PIWIL3: variants seen among roughly 807,000 people sequenced by gnomAD.
The protein encoded by PIWIL3 is piwi-like protein 3.
Under a neutral mutation model 109.7 loss-of-function variants are expected in PIWIL3, and 101 were observed. The observed-to-expected ratio is 0.92, with a 90% confidence interval of 0.78 to 1.09. The LOEUF (loss-of-function observed/expected upper bound fraction) is 1.09. PIWIL3 is among the 50% of genes least tolerant of loss of function. PIWIL3 has a pLI of 0.00. For missense variants in PIWIL3, 1,031 were observed against 1,072.6 expected (o/e 0.96, Z 0.54); for synonymous variants, 373 against 376.4 (o/e 0.99, Z 0.10).
chr22:24,756,930 T>C (rs1925070586), intron 4 of PIWIL3, among the ~76,000 whole-genome samples: 1 of 151,684 alleles, frequency 6.6e-6, no homozygotes, highest in South Asian at 2.1e-4. Flanking sequence ...ATACAAAAAG[T>C]TAGCTGGGCA....
intron 12 of PIWIL3, among the ~76,000 whole-genome samples, chr22:24,743,078 T>C (rs918693818): frequency 6.6e-6 from 1 of 152,048 alleles, no homozygotes; most frequent in Non-Finnish European, 1.5e-5. Context: ...GCAAAGGACA[T>C]GAATAGACAA....
chr22:24,724,916 C>T lies in PIWIL3; in HGVS notation c.2202G>A (p.Ser734=), dbSNP rs189209868. 182 of 1,613,986 alleles carry T rather than the reference C, an allele frequency of 1.1e-4. No homozygotes were observed. In the East Asian group the frequency reaches 2.6e-3, roughly 23 times the overall value. The stretch of plus-strand genomic sequence containing the variant: ...TAGGAGAGATGGTTTTTAAGTAGGT[C>T]GACATCTTTTTCGCTTCATGGTCAA... ...ALLDHEAKKM[S]TYLKTISPNN... Residue 734 remains serine, a synonymous_variant, in exon 18 of 21, where the codon TCG becomes TCA. Coordinates refer to ENST00000616349, the MANE Select transcript of PIWIL3 (RefSeq NM_001255975.1).
At chr22:24,751,251 A>C (rs745373163) in intron 9 of PIWIL3, 136 bp downstream of exon 9, 34 of 843,262 alleles carry the variant, frequency 4.0e-5, no homozygotes, top group Non-Finnish European at 5.4e-5. Context: ...TGGATAATAG[A>C]TAAGTCAAGC....
At chr22:24,772,460 C>T (rs1042635472) in intron 1 of PIWIL3, among the ~76,000 whole-genome samples, 1 of 152,138 alleles carries the variant, frequency 6.6e-6, no homozygotes, top group Admixed American at 6.5e-5. Context: ...CTCTCTGAGA[C>T]CCTGTTTCCT....
chr22:24,719,307 G>T lies in PIWIL3; in HGVS notation c.*165C>A. 2.3e-6 allele frequency: 1 copy of T among 442,086 alleles called. No individual in the cohort carries two copies. The highest frequency in any genetic ancestry group is 4.0e-6 in the Non-Finnish European group (1 of 249,276). 27.4% of individuals were successfully genotyped at this position (442,086 alleles called of 1,614,324 possible). ...TCTCTGGAAAAATCAGTCTGTGGTA[G>T]TATTGAGAGTAGAACATATCACTCT... On this transcript the variant is annotated 3_prime_UTR_variant, in exon 21 of 21. Transcript: ENST00000616349.
At chr22:24,757,551 C>A (rs932256882) in intron 4 of PIWIL3, among the ~76,000 whole-genome samples, 1 of 139,510 alleles carries the variant, frequency 7.2e-6, no homozygotes, top group African/African-American at 2.9e-5. Context: ...TTTGGAAGGC[C>A]CAGGTGTAAG....
At chr22:24,743,016 T>C (rs1186850895) in intron 12 of PIWIL3, among the ~76,000 whole-genome samples, 1 of 152,104 alleles carries the variant, frequency 6.6e-6, no homozygotes, top group Non-Finnish European at 1.5e-5. Context: ...ATATCCAGAA[T>C]CTACAAGGAA....
intron 6 of PIWIL3, among the ~76,000 whole-genome samples, chr22:24,755,306 AGAG>A (rs1924956450): frequency 6.6e-6 from 1 of 152,160 alleles, no homozygotes; most frequent in Admixed American, 6.5e-5. Flanking sequence ...TATTTTTAGT[AGAG>A]GAGGGGTTTC....
At position 24,726,548 on chromosome 22, in the gene PIWIL3, G is replaced by A. The variant is rs559321010; in HGVS notation, c.2010-1033C>T. ...GATCTGCCCGCCTCAGCCTCCCAAA[G>A]TGCTGGGATTACAGGCGTGAGCCGC... On this transcript the variant is annotated intron_variant, in intron 16 of 20. Coordinates refer to ENST00000616349, the MANE Select transcript of PIWIL3 (RefSeq NM_001255975.1). Among the ~76,000 whole-genome samples, 118 of 152,304 alleles carry A rather than the reference G, an allele frequency of 7.7e-4. 1 individual carries two copies. The highest frequency in any genetic ancestry group is 2.7e-3 in the African/African-American group (114 of 41,560).
chr22:24,760,803 A>AAAAAAAAAAAAAAAAAAAAAAAAT (rs1925389502), intron 2 of PIWIL3, among the ~76,000 whole-genome samples: 1 of 146,870 alleles, frequency 6.8e-6, no homozygotes, highest in Non-Finnish European at 1.5e-5. Flanking sequence ...AAAAAAAAAA[A>AAAAAAAAAAAAAAAAAAAAAAAAT]GCTGTGACAG....
At chr22:24,725,918 C>T (rs1443596543) in intron 16 of PIWIL3, among the ~76,000 whole-genome samples, 1 of 152,140 alleles carries the variant, frequency 6.6e-6, no homozygotes, top group Non-Finnish European at 1.5e-5. Flanking sequence ...GGAATGGTGG[C>T]AGCTGTTGAC....
intron 12 of PIWIL3, among the ~76,000 whole-genome samples, chr22:24,743,687 G>A (rs1297840684): frequency 6.6e-6 from 1 of 152,126 alleles, no homozygotes; most frequent in Non-Finnish European, 1.5e-5. Context: ...GGGAGGGGGT[G>A]ATGGATCAAA....
In PIWIL3 at chr22:24,732,678, C is replaced by T. The variant is rs1234397452; in HGVS notation, c.1707+1406G>A. 6.6e-5 allele frequency among the ~76,000 whole-genome samples: 10 copies of T among 152,082 alleles called. No individual in the cohort carries two copies. In the South Asian group the frequency reaches 1.7e-3, roughly 25 times the overall value. ...CTCTACTAAAAATACAAAAAATTAG[C>T]CGGGTGTGGCGGCAGGCGCCTGTAG... On this transcript the variant is annotated intron_variant, in intron 14 of 20. Coordinates refer to ENST00000616349, the MANE Select transcript of PIWIL3 (RefSeq NM_001255975.1).
intron 1 of PIWIL3, among the ~76,000 whole-genome samples, chr22:24,770,735 T>G (rs1047211461): frequency 3.3e-5 from 5 of 150,750 alleles, no homozygotes; most frequent in Admixed American, 2.6e-4. Context: ...CTAGGGAGGC[T>G]GAGGCAGGAG....
chr22:24,741,473 C>T (rs1038652216), intron 12 of PIWIL3, among the ~76,000 whole-genome samples: 12 of 152,108 alleles, frequency 7.9e-5, no homozygotes, highest in African/African-American at 2.4e-4. Flanking sequence ...CACTGCACTC[C>T]AGCCTAGCTG....
At chr22:24,743,154 G>A (rs553712563) in intron 12 of PIWIL3, among the ~76,000 whole-genome samples, 6 of 151,976 alleles carry the variant, frequency 3.9e-5, no homozygotes, top group East Asian at 1.9e-4. Context: ...ATGCAATACC[G>A]CCTTACTCCT....
chr22:24,721,447 C>T (rs1480381919), intron 19 of PIWIL3, among the ~76,000 whole-genome samples: 1 of 152,114 alleles, frequency 6.6e-6, no homozygotes, highest in African/African-American at 2.4e-5. Flanking sequence ...TTGAATATTG[C>T]TCCACCCCAC....
At chr22:24,721,622 GTTTTC>G (rs1374720918) in intron 19 of PIWIL3, among the ~76,000 whole-genome samples, 2 of 151,990 alleles carry the variant, frequency 1.3e-5, no homozygotes, top group African/African-American at 2.4e-5. Context: ...TTAACAATTT[GTTTTC>G]TTTTATGTCT....
rs1922506738 is a variant in PIWIL3, at chr22:24,719,062, C to A, written c.*410G>T. On this transcript the variant is annotated 3_prime_UTR_variant, in exon 21 of 21. Coordinates refer to ENST00000616349, the MANE Select transcript of PIWIL3 (RefSeq NM_001255975.1). ...TGTTGTTACTTTTATGTCTTCCTTT[C>A]CTGTCCTTTAACAAAAAAAAGTTTC... is the stretch of plus-strand genomic sequence containing the variant. 6.5e-6 allele frequency: 1 copy of A among 153,320 alleles called. No individual in the cohort carries two copies. The highest frequency in any genetic ancestry group is 1.5e-5 in the Non-Finnish European group (1 of 68,844). The allele number at this position is 153,320 out of a possible 1,614,324, so 9.5% of individuals were successfully genotyped here.
Sources: gnomAD v4.1 joint callset for allele counts (sites outside exome capture counted in the v4.1 genomes callset) on GRCh38, gnomAD v4.1.1 for gene constraint, MANE v1.5 for transcripts, NCBI Gene and HGNC (gene_info 2026-07-23, HGNC 2026-07-21) for gene names.